Variants in AGBL4 observed in about 807,000 individuals in gnomAD.
AGBL4 encodes cytosolic carboxypeptidase 6.
In AGBL4, 58 loss-of-function variants were observed where a neutral mutation model predicts 66.4. That is an observed-to-expected ratio of 0.87 (90% CI 0.71 to 1.09). The LOEUF is 1.09. AGBL4 is among the 50% of genes least tolerant of loss of function. The pLI is 0.00. For missense variants in AGBL4, 579 were observed against 631.0 expected (o/e 0.92, Z 0.88); for synonymous variants, 234 against 222.9 (o/e 1.05, Z -0.44).
intron 1 of AGBL4, among the ~76,000 whole-genome samples, chr1:50,001,450 T>C (rs1161316755): frequency 2.6e-5 from 4 of 151,040 alleles, no homozygotes; most frequent in Admixed American, 6.6e-5. Flanking sequence ...TGTCTGTATA[T>C]GTGTGTGTGT....
chr1:49,088,227 C>T (rs921721179), intron 4 of AGBL4, among the ~76,000 whole-genome samples: 1 of 152,170 alleles, frequency 6.6e-6, no homozygotes, highest in South Asian at 2.1e-4. Flanking sequence ...AAAACCTGCA[C>T]ATATCAATAT....
intron 3 of AGBL4, among the ~76,000 whole-genome samples, chr1:49,380,291 C>A (rs1004390365): frequency 3.9e-5 from 6 of 152,010 alleles, no homozygotes; most frequent in African/African-American, 1.5e-4. Context: ...ATCCAACTTA[C>A]AAGGGACGTG....
intron 4 of AGBL4, among the ~76,000 whole-genome samples, chr1:49,103,461 A>C (rs1645238831): frequency 6.6e-6 from 1 of 152,194 alleles, no homozygotes; most frequent in South Asian, 2.1e-4. Context: ...GACCTAAGAA[A>C]AACACCTGAT....
chr1:49,544,111 C>G (rs1358587225), intron 3 of AGBL4, among the ~76,000 whole-genome samples: 1 of 152,114 alleles, frequency 6.6e-6, no homozygotes, highest in East Asian at 1.9e-4. Flanking sequence ...CAATAAATGC[C>G]CCGTTTTCAC....
intron 1 of AGBL4, among the ~76,000 whole-genome samples, chr1:50,007,265 C>T (rs1242536703): frequency 6.6e-6 from 1 of 151,840 alleles, no homozygotes; most frequent in Non-Finnish European, 1.5e-5. Flanking sequence ...TATACCTCAC[C>T]ACAGAAAATA....
chr1:48,553,280 G>A (rs1332187998), intron 11 of AGBL4, among the ~76,000 whole-genome samples: 1 of 152,164 alleles, frequency 6.6e-6, no homozygotes, highest in African/African-American at 2.4e-5. Context: ...CTGAGAGGGG[G>A]CTCTGCTTTT....
chr1:49,366,206 AT>A (rs1644238265), intron 3 of AGBL4, among the ~76,000 whole-genome samples: 1 of 152,206 alleles, frequency 6.6e-6, no homozygotes, highest in African/African-American at 2.4e-5. Flanking sequence ...AAATCCAGGG[AT>A]TATGTCTGTC....
chr1:49,531,986 T>G (rs1651177143), intron 3 of AGBL4, among the ~76,000 whole-genome samples: 1 of 152,080 alleles, frequency 6.6e-6, no homozygotes, highest in African/African-American at 2.4e-5. Flanking sequence ...TATTTTGACT[T>G]TAGTAACTCT....
intron 1 of AGBL4, among the ~76,000 whole-genome samples, chr1:49,891,094 A>G (rs576787938): frequency 6.6e-6 from 1 of 152,306 alleles, no homozygotes; most frequent in South Asian, 2.1e-4. Context: ...GGAGACAGTA[A>G]TTTCTGTGAA....
chr1:49,597,900 C>A (rs991347665), intron 3 of AGBL4, among the ~76,000 whole-genome samples: 1 of 152,156 alleles, frequency 6.6e-6, no homozygotes. Context: ...TGCTTATCAT[C>A]CTAAGAAGAT....
chr1:49,061,418 A>G (rs966954995), intron 4 of AGBL4, among the ~76,000 whole-genome samples: 9 of 152,110 alleles, frequency 5.9e-5, no homozygotes, highest in Admixed American at 4.6e-4. Flanking sequence ...CTCCATGTGA[A>G]AAGTTATAAT....
chr1:48,997,946 T>G (rs1193398148), intron 5 of AGBL4, among the ~76,000 whole-genome samples: 8 of 152,326 alleles, frequency 5.3e-5, no homozygotes, highest in African/African-American at 1.7e-4. Context: ...AAAGAATCTG[T>G]CTTATAAGCC....
At chr1:48,854,731 CA>C (rs1647107579) in intron 6 of AGBL4, among the ~76,000 whole-genome samples, 1 of 152,146 alleles carries the variant, frequency 6.6e-6, no homozygotes, top group Admixed American at 6.5e-5. Flanking sequence ...AAGATGGGTT[CA>C]TTATGACTCA....
chr1:48,632,681 G>A (rs528350697), intron 9 of AGBL4, among the ~76,000 whole-genome samples: 1 of 152,248 alleles, frequency 6.6e-6, no homozygotes, highest in African/African-American at 2.4e-5. Flanking sequence ...TGGCATAATA[G>A]GATTTTCTGT....
chr1:49,750,219 A>G (rs951789515), intron 2 of AGBL4, among the ~76,000 whole-genome samples: 2 of 152,152 alleles, frequency 1.3e-5, no homozygotes, highest in African/African-American at 4.8e-5. Context: ...TAGGCTTTTT[A>G]TGGTTTTAGG....
chr1:49,453,793 A>G (rs975712279), intron 3 of AGBL4, among the ~76,000 whole-genome samples: 4 of 151,604 alleles, frequency 2.6e-5, no homozygotes, highest in South Asian at 4.1e-4. Context: ...TATTTTACAG[A>G]TAACAGAATC....
chr1:49,884,896 A>C (rs1557548013), intron 1 of AGBL4, among the ~76,000 whole-genome samples: 1 of 151,924 alleles, frequency 6.6e-6, no homozygotes, highest in Non-Finnish European at 1.5e-5. Flanking sequence ...AAATAATATA[A>C]TTATAATCTC....
intron 3 of AGBL4, among the ~76,000 whole-genome samples, chr1:49,663,718 A>C (rs1384362393): frequency 1.3e-5 from 2 of 152,122 alleles, no homozygotes; most frequent in Non-Finnish European, 2.9e-5. Flanking sequence ...ATAACAGAAT[A>C]AGATATGACA....
chr1:49,950,126 GTGTATATATATACACATATGTGTATATA>G (rs1656008452), intron 1 of AGBL4, among the ~76,000 whole-genome samples: 3 of 135,692 alleles, frequency 2.2e-5, no homozygotes, highest in Non-Finnish European at 4.8e-5. Flanking sequence ...ATACACATAT[GTGTATATATATACACATATGTGTATATA>G]TATACACACA....
Sources: allele counts gnomAD v4.1 joint callset (sites outside exome capture counted in the v4.1 genomes callset), GRCh38; gene constraint gnomAD v4.1.1; transcripts MANE v1.5; gene names NCBI Gene and HGNC (gene_info 2026-07-23, HGNC 2026-07-21).